Variants in VAPA observed in about 807,000 individuals in gnomAD.
VAPA encodes VAMP associated protein A.
In VAPA, 6 loss-of-function variants were observed where a neutral mutation model predicts 25.6. The observed-to-expected ratio is 0.23, with a 90% CI of 0.13 to 0.46. VAPA has a LOEUF of 0.46. Among genes scored for constraint, VAPA ranks in the 20% least tolerant of loss-of-function variants. The pLI is 0.99. For synonymous variants in VAPA, 112 were observed against 106.2 expected, an observed-to-expected ratio of 1.05 and a Z score of -0.34; for missense variants, 244 against 302.1, an observed-to-expected ratio of 0.81 and a Z score of 1.43.
chr18:9,914,308 G>T lies in VAPA; in HGVS notation c.52G>T (p.Asp18Tyr). 1.3e-6 allele frequency: 2 copies of T among 1,588,722 alleles called. No homozygotes were observed. Among genetic ancestry groups the T allele is most frequent in the Non-Finnish European group, 1.7e-6 (2 of 1,168,962 alleles). ...GAAGCACGAGCAGATCCTGGTCCTC[G>T]ATCCGCCCACAGACCTCAAATTCAA... ...MAKHEQILVL[D>Y]PPTDLKFKGP... The change falls in exon 1 of 6, where the codon GAT becomes TAT. Residue 18 changes from aspartate (D) to tyrosine (Y), a missense_variant. Asp to Tyr is a radical substitution (Grantham distance 160). Transcript: ENST00000400000.
At chr18:9,950,733 C>A in intron 5 of VAPA, 165 bp downstream of exon 5, 1 of 645,178 alleles carries the variant, frequency 1.5e-6, no homozygotes. Flanking sequence ...TAACAGTCTT[C>A]CCGTGGTTTC....
Position 9,937,218 on chromosome 18 carries a change from CT to C in VAPA, c.417+170del, listed in dbSNP as rs10642192. 9.5e-3 allele frequency: 1,947 copies of C among 204,590 alleles called. 1 individual carries two copies. The highest frequency in any genetic ancestry group is 0.013 in the African/African-American group (492 of 36,502). The allele number at this position is 204,590 out of a possible 1,614,324, so 12.7% of individuals were successfully genotyped here. On this transcript the variant is annotated intron_variant, in intron 4 of 5. Coordinates refer to ENST00000400000, the MANE Select transcript of VAPA (RefSeq NM_194434.3). ...TTAAGTTTTAAAAAACTTGGTATGC[CT>C]TTTTTTTTTTTTTTTTTAAAGTAAC...
intron 3 of VAPA, 107 bp from the exon 4 acceptor site, chr18:9,936,879 C>A: frequency 1.2e-6 from 1 of 864,802 alleles, no homozygotes; most frequent in Non-Finnish European, 1.9e-6. Flanking sequence ...CAGTGTGTTT[C>A]AGCCAAGCCA....
chr18:9,944,903 A>G, intron 4 of VAPA: 1 of 1,612,616 alleles, frequency 6.2e-7, no homozygotes. Context: ...ATCTGAGAAT[A>G]TGTTTCCCAT....
intron 1 of VAPA, chr18:9,923,810 G>A (rs1248639605): frequency 6.6e-6 from 1 of 152,162 alleles, no homozygotes; most frequent in African/African-American, 2.4e-5. Context: ...TTACAAGTAA[G>A]AGGATTTATA....
At chr18:9,923,297 A>G (rs575194543) in intron 1 of VAPA, among the ~76,000 whole-genome samples, 2 of 140,022 alleles carry the variant, frequency 1.4e-5, no homozygotes, top group African/African-American at 5.5e-5. Context: ...AAAAGTAGGG[A>G]TGTTAATTAA....
chr18:9,914,474 C>A (rs966834332), intron 1 of VAPA, 139 bp downstream of exon 1: 16 of 676,710 alleles, frequency 2.4e-5, no homozygotes, highest in African/African-American at 5.8e-5. Context: ...TTCCCTTTCC[C>A]GGCTGCTTTC....
intron 1 of VAPA, chr18:9,924,794 T>G (rs1452524373): frequency 2.0e-5 from 3 of 152,042 alleles, no homozygotes; most frequent in Non-Finnish European, 4.4e-5. Context: ...CAGGTTAGAC[T>G]GGGATAGAGA....
intron 1 of VAPA, among the ~76,000 whole-genome samples, chr18:9,921,976 T>C (rs891993870): frequency 1.3e-5 from 2 of 152,168 alleles, no homozygotes; most frequent in African/African-American, 4.8e-5. Context: ...TATTTTTGTT[T>C]GCCTCCATGT....
chr18:9,942,104 C>T (rs1019563239), intron 4 of VAPA, among the ~76,000 whole-genome samples: 2 of 152,110 alleles, frequency 1.3e-5, no homozygotes, highest in African/African-American at 4.8e-5. Context: ...CTGTGGATGG[C>T]ATTTGTATTT....
Position 9,958,402 on chromosome 18 carries a change from G to A in VAPA, c.*4191G>A, listed in dbSNP as rs2069572436. 2.6e-5 allele frequency: 4 copies of A among 152,096 alleles called. No homozygotes were observed. The highest frequency in any genetic ancestry group is 2.6e-4 in the Admixed American group (4 of 15,278). 9.4% of individuals were successfully genotyped at this position (152,096 alleles called of 1,614,324 possible). On this transcript the variant is annotated 3_prime_UTR_variant, in exon 6 of 6. Transcript: ENST00000400000. The stretch of plus-strand genomic sequence containing the variant: ...AAACTCAGTTTCTTGTTTTCCAGTT[G>A]TTGCTATGTATAACACCCATCTTGA...
At position 9,950,682 on chromosome 18, in the gene VAPA, TC is replaced by T. The variant is rs1489105154; in HGVS notation, c.591+115del. On this transcript the variant is annotated intron_variant, in intron 5 of 5. Coordinates refer to ENST00000400000, the MANE Select transcript of VAPA (RefSeq NM_194434.3). Reference sequence around the variant, plus strand: ...AATTTTTGCTTGGTCAGTTCTTTCTTCTTTGCCCCAGTGCCTTTGCTCCCCA... The same window carrying T: ...AATTTTTGCTTGGTCAGTTCTTTCTTTTTGCCCCAGTGCCTTTGCTCCCCA... 2.6e-6 allele frequency: 3 copies of T among 1,147,716 alleles called. No homozygotes were observed. In the East Asian group the frequency reaches 7.7e-5, roughly 30 times the overall value. 71.1% of individuals were successfully genotyped at this position (1,147,716 alleles called of 1,614,324 possible).
intron 5 of VAPA, chr18:9,951,364 A>G (rs2069488468): frequency 6.6e-6 from 1 of 152,262 alleles, no homozygotes; most frequent in Admixed American, 6.5e-5. Context: ...AAAAGAAGAA[A>G]AAAATCGATT....
At chr18:9,949,090 AGAACAG>A (rs1367261469) in intron 4 of VAPA, 1 of 152,226 alleles carries the variant, frequency 6.6e-6, no homozygotes, top group East Asian at 1.9e-4. Context: ...ATTAAGGAAA[AGAACAG>A]GAAAAAGTAT....
In VAPA at chr18:9,914,160, G is replaced by C. The variant is rs893996284; in HGVS notation, c.-97G>C. Reference sequence around the variant, plus strand: ...GCTCGGGAGCCGCGAGCCTGGCCTCGTCCTAGAGCTCGGCCGAGCCGTCGC... The same window carrying C: ...GCTCGGGAGCCGCGAGCCTGGCCTCCTCCTAGAGCTCGGCCGAGCCGTCGC... On this transcript the variant is annotated 5_prime_UTR_variant, in exon 1 of 6. Transcript: ENST00000400000. The C allele has an allele frequency of 8.8e-7, 1 of 1,136,362 alleles. No individual in the cohort carries two copies. The highest frequency in any genetic ancestry group is 1.2e-6 in the Non-Finnish European group (1 of 812,690). 70.4% of individuals were successfully genotyped at this position (1,136,362 alleles called of 1,614,324 possible). A position where few individuals can be genotyped will look rare whatever the true frequency, so the allele number is the denominator to read the frequency against.
At chr18:9,923,896 A>G in intron 1 of VAPA, 1 of 158,804 alleles carries the variant, frequency 6.3e-6, no homozygotes, top group Non-Finnish European at 1.4e-5. Context: ...AGAAAATGGA[A>G]AAAGTATAGA....
intron 1 of VAPA, chr18:9,914,920 C>G (rs1264806005): frequency 6.6e-6 from 1 of 152,526 alleles, no homozygotes; most frequent in African/African-American, 2.4e-5. Context: ...TCGCTGCAGC[C>G]GGCCCTCGGG....
intron 4 of VAPA, among the ~76,000 whole-genome samples, chr18:9,946,998 A>G (rs1158634903): frequency 6.6e-6 from 1 of 152,198 alleles, no homozygotes; most frequent in East Asian, 1.9e-4. Flanking sequence ...ACATTAGTCT[A>G]GGCCTGCACA....
At position 9,943,865 on chromosome 18, in the gene VAPA, T is replaced by A. The variant is rs1487979057; in HGVS notation, c.418-6530T>A. ...CCTTTTTTTTTTTTTTTTTTTTTTT[T>A]TTTTTTTTTTTTTGAGACAGTGTCT... On this transcript the variant is annotated intron_variant, in intron 4 of 5. Transcript: ENST00000400000. Among the ~76,000 whole-genome samples, 45 of 111,062 alleles carry A rather than the reference T, an allele frequency of 4.1e-4. 1 individual carries two copies. The highest frequency in any genetic ancestry group is 1.5e-3 in the African/African-American group (44 of 28,596). The allele number at this position is 111,062 out of a possible 152,430, so 72.9% of individuals were successfully genotyped here. A position where few individuals can be genotyped will look rare whatever the true frequency, so the allele number is the denominator to read the frequency against.
Sources: allele counts gnomAD v4.1 joint callset (sites outside exome capture counted in the v4.1 genomes callset), GRCh38; gene constraint gnomAD v4.1.1; transcripts MANE v1.5; gene names NCBI Gene and HGNC (gene_info 2026-07-23, HGNC 2026-07-21).